The following ZFHX3 variants were observed in gnomAD, a reference collection of about 807,000 sequenced individuals.
ZFHX3 encodes the protein zinc finger homeobox protein 3.
ZFHX3 carries 42 observed loss-of-function variants against 279.1 expected under a neutral mutation model. The ratio of observed to expected loss-of-function variants is 0.15; its 90% CI spans 0.12 to 0.19. The LOEUF (loss-of-function observed/expected upper bound fraction) is 0.19, where lower values mean the gene tolerates loss of function less well. ZFHX3 is among the 10% of genes least tolerant of loss of function. ZFHX3 has a pLI of 1.00. For missense variants in ZFHX3, 4,981 were observed against 4,754.0 expected, an observed-to-expected ratio of 1.05 and a Z score of -1.40; for synonymous variants, 2,293 against 1,957.8, an observed-to-expected ratio of 1.17 and a Z score of -4.52.
chr16:73,271,012 T>C (rs1472934100), intron 4 of ZFHX3, among the ~76,000 whole-genome samples: 1 of 152,206 alleles, frequency 6.6e-6, no homozygotes, highest in East Asian at 1.9e-4. Context: ...TTTTGTTCTG[T>C]TTTTCATTAA....
At chr16:72,919,055 G>A (rs892272118) in intron 3 of ZFHX3, among the ~76,000 whole-genome samples, 5 of 152,028 alleles carry the variant, frequency 3.3e-5, no homozygotes, top group African/African-American at 4.8e-5. Context: ...CCCTAAATGC[G>A]GGTAGATGTG....
chr16:73,180,278 G>C (rs1967762728), intron 5 of ZFHX3, among the ~76,000 whole-genome samples: 1 of 152,096 alleles, frequency 6.6e-6, no homozygotes, highest in African/African-American at 2.4e-5. Context: ...AGGCATGTTG[G>C]GAAGAGATTC....
intron 1 of ZFHX3, among the ~76,000 whole-genome samples, chr16:73,036,709 G>A (rs904797962): frequency 6.6e-6 from 1 of 151,966 alleles, no homozygotes; most frequent in African/African-American, 2.4e-5. Context: ...CCCCTCGGTC[G>A]GTCGCTAGGA....
chr16:73,251,421 T>C (rs558370981), intron 5 of ZFHX3, among the ~76,000 whole-genome samples: 1 of 152,336 alleles, frequency 6.6e-6, no homozygotes, highest in East Asian at 1.9e-4. Context: ...CTGTTACGTG[T>C]ATTACCTTAT....
chr16:72,880,949 C>A (rs912611859), intron 4 of ZFHX3, among the ~76,000 whole-genome samples: 4 of 152,176 alleles, frequency 2.6e-5, no homozygotes, highest in Non-Finnish European at 4.4e-5. Context: ...ACTGTTCTCC[C>A]AAACTGAGAA....
At position 73,469,376 on chromosome 16, in the gene ZFHX3, G is replaced by T. The variant is rs543041972; in HGVS notation, c.-1546-13118C>A. ...GGCTCTTGGAGGATGATGAACAGGGGTGCGGTGGGGAGAGGGGAACATTGT... is the reference window on the plus strand; with the variant it reads ...GGCTCTTGGAGGATGATGAACAGGGTTGCGGTGGGGAGAGGGGAACATTGT... On this transcript the variant is annotated intron_variant, in intron 2 of 17. Coordinates refer to the ZFHX3 transcript ENST00000641206. Among the ~76,000 whole-genome samples the T allele has an allele frequency of 1.2e-3, 177 of 152,280 alleles. 1 individual carries two copies. Among genetic ancestry groups the T allele is most frequent in the African/African-American group, 4.1e-3 (169 of 41,564 alleles).
At chr16:73,440,822 C>T (rs554488628) in intron 3 of ZFHX3, among the ~76,000 whole-genome samples, 4 of 152,300 alleles carry the variant, frequency 2.6e-5, no homozygotes, top group African/African-American at 9.6e-5. Flanking sequence ...ATAAACACCA[C>T]CACTCTGTTT....
chr16:73,300,568 A>T (rs998066713), intron 4 of ZFHX3, among the ~76,000 whole-genome samples: 5 of 151,312 alleles, frequency 3.3e-5, no homozygotes, highest in Non-Finnish European at 7.4e-5. Flanking sequence ...CAATGGTGTG[A>T]TCTTGGCTTA....
At chr16:73,712,566 T>C (rs145641549) in intron 1 of ZFHX3, among the ~76,000 whole-genome samples, 2,441 of 152,266 alleles carry the variant, frequency 0.016, 58 homozygotes, top group Non-Finnish European at 0.02. Context: ...TCAGTGCCCA[T>C]TTGGCTTCTT....
chr16:73,677,551 T>C (rs577292789), intron 2 of ZFHX3, among the ~76,000 whole-genome samples: 170 of 151,982 alleles, frequency 1.1e-3, no homozygotes, highest in African/African-American at 4.0e-3. Flanking sequence ...TTGGCATAGC[T>C]AATCACAAAA....
chr16:73,316,435 C>A (rs1204615133), intron 4 of ZFHX3, among the ~76,000 whole-genome samples: 2 of 152,152 alleles, frequency 1.3e-5, no homozygotes, highest in Non-Finnish European at 2.9e-5. Flanking sequence ...ATCACCTATG[C>A]TGGGCCTTCC....
At chr16:72,900,725 G>C (rs1469297905) in intron 3 of ZFHX3, among the ~76,000 whole-genome samples, 7 of 152,178 alleles carry the variant, frequency 4.6e-5, no homozygotes, top group African/African-American at 1.7e-4. Flanking sequence ...CCATCCCAAG[G>C]GTTTCTGATT....
At chr16:73,219,128 T>C (rs887058189) in intron 5 of ZFHX3, among the ~76,000 whole-genome samples, 1 of 152,270 alleles carries the variant, frequency 6.6e-6, no homozygotes. Context: ...CAGAACTTCA[T>C]ATTTTAAATA....
intron 1 of ZFHX3, among the ~76,000 whole-genome samples, chr16:73,849,015 C>G (rs1567429638): frequency 6.6e-6 from 1 of 152,204 alleles, no homozygotes; most frequent in African/African-American, 2.4e-5. Context: ...AATTTCCAGA[C>G]ACAGCATTGT....
At chr16:73,621,813 T>C (rs1174000174) in intron 2 of ZFHX3, among the ~76,000 whole-genome samples, 1 of 152,074 alleles carries the variant, frequency 6.6e-6, no homozygotes, top group Admixed American at 6.6e-5. Context: ...ACCGAAATCC[T>C]CCACCGAACA....
intron 2 of ZFHX3, among the ~76,000 whole-genome samples, chr16:73,559,044 TTG>T (rs375638006): frequency 1.6e-4 from 24 of 149,140 alleles, no homozygotes; most frequent in Non-Finnish European, 2.5e-4. Flanking sequence ...ACTCCTCTTT[TTG>T]TGTGTGTGTG....
intron 5 of ZFHX3, among the ~76,000 whole-genome samples, chr16:73,200,399 G>A (rs910963948): frequency 2.0e-5 from 3 of 152,078 alleles, no homozygotes; most frequent in Middle Eastern, 3.2e-3. Flanking sequence ...GTGAGAATGT[G>A]ATTTATACAT....
chr16:72,911,154 C>A (rs552063164), intron 3 of ZFHX3, among the ~76,000 whole-genome samples: 1 of 152,320 alleles, frequency 6.6e-6, no homozygotes, highest in Admixed American at 6.5e-5. Context: ...CTCAGCTTCA[C>A]CAGACTTGGG....
At chr16:73,474,607 A>C (rs1010637250) in intron 2 of ZFHX3, among the ~76,000 whole-genome samples, 1 of 152,186 alleles carries the variant, frequency 6.6e-6, no homozygotes, top group Non-Finnish European at 1.5e-5. Flanking sequence ...AGAACCTGGC[A>C]TCAGCCCCCT....
Sources: gnomAD v4.1 joint callset for allele counts (sites outside exome capture counted in the v4.1 genomes callset) on GRCh38, gnomAD v4.1.1 for gene constraint, MANE v1.5 for transcripts, NCBI Gene and HGNC (gene_info 2026-07-23, HGNC 2026-07-21) for gene names.